Variants in ATXN3 observed in about 807,000 individuals in gnomAD.
ATXN3 encodes the protein ataxin-3.
In ATXN3, 28 loss-of-function variants were observed where a neutral mutation model predicts 58.2. That is an observed-to-expected ratio of 0.48 (90% CI 0.36 to 0.66). The LOEUF (loss-of-function observed/expected upper bound fraction) is 0.66. Among genes scored for constraint, ATXN3 ranks in the 30% least tolerant of loss-of-function variants. ATXN3 has a pLI of 0.00. For synonymous variants in ATXN3, 113 were observed against 138.5 expected (o/e 0.82, Z 1.29); for missense variants, 321 against 422.1 (o/e 0.76, Z 2.10).
intron 1 of ATXN3, among the ~76,000 whole-genome samples, chr14:92,103,123 AAAAAC>A (rs1566992480): frequency 6.6e-6 from 1 of 150,724 alleles, no homozygotes; most frequent in Non-Finnish European, 1.5e-5. Flanking sequence ...AAAAAAAAAA[AAAAAC>A]AAAGCAGGCA....
intron 2 of ATXN3, among the ~76,000 whole-genome samples, chr14:92,045,346 T>G (rs1197377139): frequency 6.6e-6 from 1 of 152,128 alleles, no homozygotes; most frequent in Non-Finnish European, 1.5e-5. Context: ...GTTATCGGAC[T>G]GTATAAAGGT....
intron 1 of ATXN3, among the ~76,000 whole-genome samples, chr14:92,099,344 G>A (rs2066166039): frequency 6.6e-6 from 1 of 152,186 alleles, no homozygotes; most frequent in South Asian, 2.1e-4. Context: ...AATGGAATAG[G>A]AAGACAACAT....
rs947973660 is a variant in ATXN3, at chr14:92,063,631, A to G, written c.*689T>C. 1 of 152,256 alleles carries G rather than the reference A, an allele frequency of 6.6e-6. No individual in the cohort carries two copies. Among genetic ancestry groups the G allele is most frequent in the Non-Finnish European group, 1.5e-5 (1 of 68,036 alleles). The allele number at this position is 152,256 out of a possible 1,614,324, so 9.4% of individuals were successfully genotyped here. A position where few individuals can be genotyped will look rare whatever the true frequency, so the allele number is the denominator to read the frequency against. ...CAAGTACTTGTGCAAGGCTGATTTC[A>G]GAGTTTAGGAACGCACCAGTCATGA... On this transcript the variant is annotated 3_prime_UTR_variant, in exon 11 of 11. Coordinates refer to ENST00000644486, the MANE Select transcript of ATXN3 (RefSeq NM_004993.6).
downstream of ATXN3, among the ~76,000 whole-genome samples, chr14:92,053,745 C>T (rs757178344): frequency 7.2e-5 from 11 of 152,034 alleles, no homozygotes; most frequent in Non-Finnish European, 1.3e-4. Context: ...GTGATCCTCC[C>T]GCCTTGGCCT....
At chr14:92,090,344 GACATCCTCCC>G (rs2063507953) in intron 5 of ATXN3, 1 of 152,066 alleles carries the variant, frequency 6.6e-6, no homozygotes, top group Admixed American at 6.6e-5. Context: ...CTGGATTCAA[GACATCCTCCC>G]ACCTCAGCCT....
chr14:92,077,694 A>AG (rs978368419), intron 9 of ATXN3: 1 of 147,690 alleles, frequency 6.8e-6, no homozygotes, highest in African/African-American at 2.5e-5. Flanking sequence ...CACCCAGGAT[A>AG]GAGTGCAGTG....
intron 1 of ATXN3, among the ~76,000 whole-genome samples, chr14:92,101,874 G>T (rs531512266): frequency 6.0e-5 from 9 of 150,040 alleles, no homozygotes; most frequent in African/African-American, 2.2e-4. Context: ...TAAAAAATAG[G>T]CTGGGCGTGG....
chr14:92,070,412 T>C (rs1278447207), intron 10 of ATXN3, among the ~76,000 whole-genome samples: 1 of 152,090 alleles, frequency 6.6e-6, no homozygotes, highest in African/African-American at 2.4e-5. Flanking sequence ...ACCCTGTCTC[T>C]ACTAAAAATA....
At position 92,081,236 on chromosome 14, in the gene ATXN3, C is replaced by T. The variant is rs150278508; in HGVS notation, c.776-175G>A. Among the ~76,000 whole-genome samples the T allele has an allele frequency of 1.6e-4, 24 of 152,068 alleles. No individual in the cohort carries two copies. In the East Asian group the frequency reaches 4.6e-3, roughly 29 times the overall value. On this transcript the variant is annotated intron_variant, in intron 8 of 10. Transcript: ENST00000644486. ...CATGTAATCCCAGCACTTTGGGAGG[C>T]CAAGGCAGGTGGATCACCTGAGGTC...
At chr14:92,091,650 T>C (rs1595881142) in intron 5 of ATXN3, among the ~76,000 whole-genome samples, 1 of 152,122 alleles carries the variant, frequency 6.6e-6, no homozygotes, top group East Asian at 1.9e-4. Flanking sequence ...AACAGATTTA[T>C]TGGGGTATAA....
At chr14:92,102,660 G>A (rs1423831263) in intron 1 of ATXN3, among the ~76,000 whole-genome samples, 1 of 152,168 alleles carries the variant, frequency 6.6e-6, no homozygotes, top group Non-Finnish European at 1.5e-5. Context: ...TAATGGCAAT[G>A]GCCAGTACTT....
chr14:92,078,754 T>A (rs951196894), intron 9 of ATXN3, among the ~76,000 whole-genome samples: 5 of 152,240 alleles, frequency 3.3e-5, no homozygotes, highest in African/African-American at 1.2e-4. Context: ...AGCATTTAAC[T>A]ATGTTAAAAA....
intron 8 of ATXN3, among the ~76,000 whole-genome samples, chr14:92,081,465 C>CAAAAAAAAAAAAAAAAAA (rs58398762): frequency 1.9e-4 from 16 of 82,930 alleles, no homozygotes; most frequent in Non-Finnish European, 3.5e-4. Context: ...GACTCTGACT[C>CAAAAAAAAAAAAAAAAAA]AAAAAAAAAA....
intron 9 of ATXN3, among the ~76,000 whole-genome samples, chr14:92,079,689 AG>A (rs1328999441): frequency 6.6e-6 from 1 of 152,200 alleles, no homozygotes; most frequent in Non-Finnish European, 1.5e-5. Flanking sequence ...TTTCTGACCT[AG>A]GATCAGTGGG....
At chr14:92,094,926 A>C (rs2064814809) in intron 3 of ATXN3, among the ~76,000 whole-genome samples, 1 of 152,222 alleles carries the variant, frequency 6.6e-6, no homozygotes, top group African/African-American at 2.4e-5. Context: ...GGAGGGCAGT[A>C]CAAGGGAAAC....
At chr14:92,093,610 T>C (rs1257526490) in intron 4 of ATXN3, 136 bp downstream of exon 4, 11 of 737,210 alleles carry the variant, frequency 1.5e-5, no homozygotes, top group Admixed American at 1.4e-4. Context: ...AAAGGTGAAA[T>C]AGGAAAGTCT....
intron 10 of ATXN3, among the ~76,000 whole-genome samples, chr14:92,067,871 T>A (rs894294906): frequency 6.6e-6 from 1 of 152,216 alleles, no homozygotes; most frequent in Non-Finnish European, 1.5e-5. Context: ...CTTCAAGGCC[T>A]GTGATGTCAA....
downstream of ATXN3, among the ~76,000 whole-genome samples, chr14:92,058,168 C>G (rs745477026): frequency 2.0e-5 from 3 of 152,182 alleles, no homozygotes; most frequent in Admixed American, 2.0e-4. Context: ...TATTCATATT[C>G]ATCACTGCAG....
At chr14:92,096,167 G>A in intron 2 of ATXN3, 30 bp from the exon 3 acceptor site, 1 of 1,611,346 alleles carries the variant, frequency 6.2e-7, no homozygotes, top group Middle Eastern at 1.7e-4. Context: ...GTTGAAGCAA[G>A]GGTGGGGGTG....
Sources: gnomAD v4.1 joint callset for allele counts (sites outside exome capture counted in the v4.1 genomes callset) on GRCh38, gnomAD v4.1.1 for gene constraint, MANE v1.5 for transcripts, NCBI Gene and HGNC (gene_info 2026-07-23, HGNC 2026-07-21) for gene names.